The following ABCC4 variants were observed in gnomAD, a reference collection of about 807,000 sequenced individuals.
The protein encoded by ABCC4 is ATP-binding cassette sub-family C member 4.
A neutral mutation model predicts 168.5 loss-of-function variants in ABCC4; 102 were observed. That is an observed-to-expected ratio of 0.61 (90% CI 0.52 to 0.71). ABCC4 has a LOEUF of 0.71. Among genes scored for constraint, ABCC4 ranks in the 30% least tolerant of loss-of-function variants. The pLI, the probability that ABCC4 is intolerant of heterozygous loss-of-function variation, is 0.00. For missense variants in ABCC4, 1,402 were observed against 1,605.8 expected (o/e 0.87, Z 2.17); for synonymous variants, 617 against 590.7 (o/e 1.04, Z -0.65).
At chr13:95,183,647 T>C (rs549264646) in intron 11 of ABCC4, among the ~76,000 whole-genome samples, 1 of 152,302 alleles carries the variant, frequency 6.6e-6, no homozygotes, top group African/African-American at 2.4e-5. Flanking sequence ...GCGCAGTGGC[T>C]CATGCAAATA....
chr13:95,293,354 A>AAAAAAC (rs1273007715), intron 1 of ABCC4, among the ~76,000 whole-genome samples: 32 of 151,162 alleles, frequency 2.1e-4, no homozygotes, highest in African/African-American at 7.3e-4. Context: ...ACTCCATCTC[A>AAAAAAC]AAAAACAAAA....
At chr13:95,103,651 C>A (rs2034892612) in intron 20 of ABCC4, among the ~76,000 whole-genome samples, 1 of 152,132 alleles carries the variant, frequency 6.6e-6, no homozygotes, top group Non-Finnish European at 1.5e-5. Flanking sequence ...GGCATTCTGA[C>A]CTGGATGTCC....
chr13:95,105,408 T>C (rs1374970721), intron 20 of ABCC4, among the ~76,000 whole-genome samples: 1 of 151,864 alleles, frequency 6.6e-6, no homozygotes, highest in Non-Finnish European at 1.5e-5. Flanking sequence ...TCAACAAGAG[T>C]AGTTGTTCAC....
At chr13:95,192,555 T>C (rs1332142313) in intron 9 of ABCC4, among the ~76,000 whole-genome samples, 1 of 152,232 alleles carries the variant, frequency 6.6e-6, no homozygotes, top group Admixed American at 6.5e-5. Flanking sequence ...TGCCTTCCTC[T>C]AGCTCAACAG....
chr13:95,070,738 G>T (rs1253111939), intron 25 of ABCC4, among the ~76,000 whole-genome samples: 1 of 152,154 alleles, frequency 6.6e-6, no homozygotes, highest in Non-Finnish European at 1.5e-5. Flanking sequence ...TGGGCCTGGG[G>T]CTCATTAAGG....
Position 95,034,699 on chromosome 13 carries a change from T to TA in ABCC4, c.3775dup (p.Tyr1259LeufsTer7), listed in dbSNP as rs1323974254. 14 of 1,614,256 alleles carry TA rather than the reference T, an allele frequency of 8.7e-6. No individual in the cohort carries two copies. The highest frequency in any genetic ancestry group is 1.3e-5 in the African/African-American group (1 of 75,070). On this transcript the variant is annotated frameshift_variant, in exon 30 of 31. Transcript: ENST00000645237. LOFTEE classifies it high-confidence loss of function. ...GCTCTCTTTATTTTGCAGCAAAACA[T>TA]ACGGCTCATCATATTCTTTCAGTCT... is the stretch of plus-strand genomic sequence containing the variant.
intron 13 of ABCC4, among the ~76,000 whole-genome samples, chr13:95,171,717 T>G (rs1452237145): frequency 6.6e-6 from 1 of 152,210 alleles, no homozygotes; most frequent in African/African-American, 2.4e-5. Context: ...TGAGAAGTCA[T>G]AAGCAAGTAT....
At chr13:95,129,756 G>A (rs901621956) in intron 19 of ABCC4, among the ~76,000 whole-genome samples, 2 of 152,052 alleles carry the variant, frequency 1.3e-5, no homozygotes, top group Non-Finnish European at 2.9e-5. Context: ...ACATGACATT[G>A]CTTTCAAGAA....
intron 21 of ABCC4, among the ~76,000 whole-genome samples, chr13:95,077,855 G>A (rs1480176910): frequency 6.6e-6 from 1 of 152,160 alleles, no homozygotes; most frequent in Non-Finnish European, 1.5e-5. Context: ...TGGGGGTGCT[G>A]GGGTACCAGT....
At chr13:95,181,386 C>T (rs2037884235) in intron 11 of ABCC4, among the ~76,000 whole-genome samples, 1 of 152,244 alleles carries the variant, frequency 6.6e-6, no homozygotes, top group African/African-American at 2.4e-5. Flanking sequence ...TTTGGAATGG[C>T]CCTTCCTGTC....
chr13:95,260,796 T>C (rs1280503577), intron 1 of ABCC4, among the ~76,000 whole-genome samples: 1 of 152,014 alleles, frequency 6.6e-6, no homozygotes, highest in Non-Finnish European at 1.5e-5. Context: ...CTACTTTGTA[T>C]ATGATGAACT....
At chr13:95,036,488 T>C (rs2032124336) in intron 29 of ABCC4, among the ~76,000 whole-genome samples, 1 of 151,558 alleles carries the variant, frequency 6.6e-6, no homozygotes, top group African/African-American at 2.4e-5. Flanking sequence ...GTTCTCAAAA[T>C]TGACCAGAAT....
At chr13:95,197,926 T>C (rs1380547552) in intron 8 of ABCC4, among the ~76,000 whole-genome samples, 1 of 151,774 alleles carries the variant, frequency 6.6e-6, no homozygotes, top group Non-Finnish European at 1.5e-5. Context: ...TTTCTGTACA[T>C]GGAAAAAAGG....
At chr13:95,288,608 C>T (rs1332876246) in intron 1 of ABCC4, among the ~76,000 whole-genome samples, 1 of 152,232 alleles carries the variant, frequency 6.6e-6, no homozygotes, top group East Asian at 1.9e-4. Context: ...GAGTTCAAGA[C>T]CAGCCTGGCC....
chr13:95,113,585 A>T (rs6492766), intron 20 of ABCC4, among the ~76,000 whole-genome samples: 140,796 of 151,312 alleles, frequency 0.93, 65,521 homozygotes, highest in African/African-American at 0.96. Context: ...AAAAAAAAAA[A>T]TTACATTTAG....
At chr13:95,216,635 A>C (rs905512373) in intron 4 of ABCC4, among the ~76,000 whole-genome samples, 2 of 147,198 alleles carry the variant, frequency 1.4e-5, no homozygotes, top group Non-Finnish European at 1.5e-5. Flanking sequence ...AAAAAAAACC[A>C]GCACAAATGG....
At chr13:95,209,344 G>T in intron 6 of ABCC4, 90 bp downstream of exon 6, 1 of 1,407,834 alleles carries the variant, frequency 7.1e-7, no homozygotes, top group Non-Finnish European at 9.8e-7. Flanking sequence ...ATAATAAAAG[G>T]CATTTAGTTT....
chr13:95,051,012 G>A (rs1719488990), intron 27 of ABCC4, among the ~76,000 whole-genome samples: 1 of 152,164 alleles, frequency 6.6e-6, no homozygotes, highest in South Asian at 2.1e-4. Context: ...GAGAGTTTAG[G>A]GGCACAGGAT....
intron 21 of ABCC4, among the ~76,000 whole-genome samples, chr13:95,077,310 G>GT (rs1320130459): frequency 1.3e-5 from 2 of 152,146 alleles, no homozygotes; most frequent in African/African-American, 4.8e-5. Context: ...AAAACATGGG[G>GT]TGTCCGGGAG....
Sources: allele counts gnomAD v4.1 joint callset (sites outside exome capture counted in the v4.1 genomes callset), GRCh38; gene constraint gnomAD v4.1.1; transcripts MANE v1.5; gene names NCBI Gene and HGNC (gene_info 2026-07-23, HGNC 2026-07-21).